SCUBE3: variants seen among roughly 807,000 people sequenced by gnomAD.
The protein encoded by SCUBE3 is signal peptide, CUB and EGF-like domain-containing protein 3.
SCUBE3 carries 33 observed loss-of-function variants against 116.8 expected under a neutral mutation model. That is an observed-to-expected ratio of 0.28 (90% CI 0.21 to 0.38). SCUBE3 has a LOEUF of 0.38. SCUBE3 is among the 10% of genes least tolerant of loss of function. The pLI is 1.00. For missense variants in SCUBE3, 1,007 were observed against 1,324.8 expected, an observed-to-expected ratio of 0.76 and a Z score of 3.72; for synonymous variants, 418 against 496.9, an observed-to-expected ratio of 0.84 and a Z score of 2.11.
Position 35,241,348 on chromosome 6 carries a change from A to G in SCUBE3, c.1195+82A>G. The G allele has an allele frequency of 1.4e-6, 2 of 1,462,650 alleles. No individual in the cohort carries two copies. The highest frequency in any genetic ancestry group is 3.7e-5 in the Admixed American group (2 of 54,506). 90.6% of individuals were successfully genotyped at this position (1,462,650 alleles called of 1,614,324 possible). A position where few individuals can be genotyped will look rare whatever the true frequency, so the allele number is the denominator to read the frequency against. On this transcript the variant is annotated intron_variant, in intron 10 of 21. Coordinates refer to ENST00000274938, the MANE Select transcript of SCUBE3 (RefSeq NM_152753.4). This position sits in a 1 kb window ranked among gnomAD's most constrained non-coding sequence, Gnocchi z 4.1. ...GGTTCTGGAAAGCATAGAGTATCAC[A>G]TTGGGGAAAGGTGTGAGGTGGAAAG...
In SCUBE3 at chr6:35,240,078, G is replaced by T. The variant is rs112021326; in HGVS notation, c.952+204G>T. 2.0e-5 allele frequency among the ~76,000 whole-genome samples: 3 copies of T among 152,234 alleles called. No homozygotes were observed. The highest frequency in any genetic ancestry group is 7.2e-5 in the African/African-American group (3 of 41,456). On this transcript the variant is annotated intron_variant, in intron 8 of 21. Transcript: ENST00000274938. This position sits in a 1 kb window ranked among gnomAD's most constrained non-coding sequence, Gnocchi z 4.6. ...CAAAGCATTCAGCCTGGCAAGGACTGAGGGATGGATTTCACCCCAATTCAT... is the reference window on the plus strand; with the variant it reads ...CAAAGCATTCAGCCTGGCAAGGACTTAGGGATGGATTTCACCCCAATTCAT...
At chr6:35,246,748 G>A (rs570258670) in intron 21 of SCUBE3, among the ~76,000 whole-genome samples, 97 of 152,350 alleles carry the variant, frequency 6.4e-4, no homozygotes, top group Non-Finnish European at 1.0e-3. Flanking sequence ...GGCCGAGGCG[G>A]GTGGATCACA....
rs1049702416 is a variant in SCUBE3, at chr6:35,241,007, A to G, written c.1070-134A>G. The G allele has an allele frequency of 2.5e-6, 2 of 804,422 alleles. No individual in the cohort carries two copies. The highest frequency in any genetic ancestry group is 4.0e-6 in the Non-Finnish European group (2 of 498,484). The allele number at this position is 804,422 out of a possible 1,614,324, so 49.8% of individuals were successfully genotyped here. On this transcript the variant is annotated intron_variant, in intron 9 of 21. Coordinates refer to ENST00000274938, the MANE Select transcript of SCUBE3 (RefSeq NM_152753.4). The surrounding 1 kb of genome is among the most constrained non-coding windows in gnomAD (Gnocchi z 4.1). The stretch of plus-strand genomic sequence containing the variant: ...CTATAGGCACACTGTTGTACAGTAG[A>G]TCTCTCGAACTTATTCATCTTGCGT...
At chr6:35,247,056 C>T (rs1784369908) in intron 21 of SCUBE3, among the ~76,000 whole-genome samples, 1 of 152,144 alleles carries the variant, frequency 6.6e-6, no homozygotes, top group Admixed American at 6.5e-5. Flanking sequence ...GACTTCTTTT[C>T]AAGGAAAATA....
At chr6:35,224,221 T>G (rs1263896643) in intron 1 of SCUBE3, 1 of 152,198 alleles carries the variant, frequency 6.6e-6, no homozygotes, top group African/African-American at 2.4e-5. Flanking sequence ...CAGGAAGAGA[T>G]AATGTCTTCC....
rs142205818 is a variant in SCUBE3, at chr6:35,228,384, A to G, written c.209-230A>G. Among the ~76,000 whole-genome samples the G allele has an allele frequency of 1.6e-3, 251 of 152,384 alleles. No individual in the cohort carries two copies. Among genetic ancestry groups the G allele is most frequent in the South Asian group, 7.0e-3 (34 of 4,828 alleles). The stretch of plus-strand genomic sequence containing the variant: ...TAAAGAAATCTAAATCTCTAACAAT[A>G]GAGAAAAAAATAGAAAAATAATATT... On this transcript the variant is annotated intron_variant, in intron 2 of 21. Coordinates refer to ENST00000274938, the MANE Select transcript of SCUBE3 (RefSeq NM_152753.4). This position sits in a 1 kb window ranked among gnomAD's most constrained non-coding sequence, Gnocchi z 4.9.
Position 35,231,661 on chromosome 6 carries a change from T to C in SCUBE3, c.335-64T>C. On this transcript the variant is annotated intron_variant, in intron 3 of 21. Transcript: ENST00000274938. The surrounding 1 kb of genome is among the most constrained non-coding windows in gnomAD (Gnocchi z 4.2). ...CTTAAGACTGCCTTTGGTGCTGAAG[T>C]CTTGGGATATACCCTGGACCCTGCC... 1.4e-6 allele frequency: 2 copies of C among 1,454,572 alleles called. No homozygotes were observed. The highest frequency in any genetic ancestry group is 1.9e-6 in the Non-Finnish European group (2 of 1,075,376). 90.1% of individuals were successfully genotyped at this position (1,454,572 alleles called of 1,614,324 possible).
In SCUBE3 at chr6:35,235,589, A is replaced by G; in HGVS notation, c.712+2288A>G. 1 of 637,980 alleles carries G rather than the reference A, an allele frequency of 1.6e-6. No individual in the cohort carries two copies. 39.5% of individuals were successfully genotyped at this position (637,980 alleles called of 1,614,324 possible). On this transcript the variant is annotated intron_variant, in intron 6 of 21. Transcript: ENST00000274938. The surrounding 1 kb of genome is among the most constrained non-coding windows in gnomAD (Gnocchi z 4.5). ...CACTAACTGCATGCCCACTGGGCCC[A>G]GCCTGACTGGGCCCCAACTTGCCAG... is the stretch of plus-strand genomic sequence containing the variant.
intron 1 of SCUBE3, among the ~76,000 whole-genome samples, chr6:35,216,634 C>T (rs963085566): frequency 6.6e-6 from 1 of 152,208 alleles, no homozygotes; most frequent in African/African-American, 2.4e-5. Flanking sequence ...TACCCATAGA[C>T]ACAGTCTGTG....
At chr6:35,234,250 G>A (rs1362883377) in intron 6 of SCUBE3, among the ~76,000 whole-genome samples, 1 of 152,186 alleles carries the variant, frequency 6.6e-6, no homozygotes, top group African/African-American at 2.4e-5. Flanking sequence ...GTGGGCATAG[G>A]TGTTTATGAA....
In SCUBE3 at chr6:35,240,840, T is replaced by C. The variant is rs1285010057; in HGVS notation, c.1070-301T>C. ...TCATTCCTTTGGGGACAGAGATAAT[T>C]GGAGGAGGTTTGAGCTCTTCTCAGG... On this transcript the variant is annotated intron_variant, in intron 9 of 21. Coordinates refer to ENST00000274938, the MANE Select transcript of SCUBE3 (RefSeq NM_152753.4). This position sits in a 1 kb window ranked among gnomAD's most constrained non-coding sequence, Gnocchi z 4.6. Among the ~76,000 whole-genome samples the C allele has an allele frequency of 1.3e-5, 2 of 152,216 alleles. No individual in the cohort carries two copies. The highest frequency in any genetic ancestry group is 2.9e-5 in the Non-Finnish European group (2 of 68,030).
In SCUBE3 at chr6:35,244,221, C is replaced by A; in HGVS notation, c.2239+91C>A. ...TTTCCCAGAGGGGACACTGACCCACCATTTTCTCCAAACCAGTAATGGGCC... is the reference window on the plus strand; with the variant it reads ...TTTCCCAGAGGGGACACTGACCCACAATTTTCTCCAAACCAGTAATGGGCC... On this transcript the variant is annotated intron_variant, in intron 17 of 21. Transcript: ENST00000274938. This position sits in a 1 kb window ranked among gnomAD's most constrained non-coding sequence, Gnocchi z 4.3. The A allele has an allele frequency of 8.6e-7, 1 of 1,163,916 alleles. No individual in the cohort carries two copies. Among genetic ancestry groups the A allele is most frequent in the South Asian group, 1.5e-5 (1 of 67,596 alleles). The allele number at this position is 1,163,916 out of a possible 1,614,324, so 72.1% of individuals were successfully genotyped here.
At chr6:35,218,259 G>GGTGTGT (rs143349311) in intron 1 of SCUBE3, 1 of 448,690 alleles carries the variant, frequency 2.2e-6, no homozygotes, top group African/African-American at 2.2e-5. Flanking sequence ...CATGACTCAG[G>GGTGTGT]GTGTGTGTGT....
Position 35,246,040 on chromosome 6 carries a change from A to G in SCUBE3, c.2696A>G (p.Lys899Arg). 1 of 1,614,166 alleles carries G rather than the reference A, an allele frequency of 6.2e-7. No homozygotes were observed. Among genetic ancestry groups the G allele is most frequent in the Non-Finnish European group, 8.5e-7 (1 of 1,180,010 alleles). ...TCCAGGAAGCTCTGGATCAACTTCA[A>G]GACAAGCGAGGCCAACAGCGCCCGT... ...ARSRKLWINF[K>R]TSEANSARGF... Residue 899 changes from lysine (K) to arginine (R), a missense_variant, in exon 20 of 22, where the codon AAG becomes AGG. Around this residue, in one of 5 missense-constraint regions of SCUBE3, gnomAD observed 118 missense variants for 196.6 expected, o/e 0.60. Transcript: ENST00000274938.
intron 1 of SCUBE3, among the ~76,000 whole-genome samples, chr6:35,225,100 C>T (rs1783274496): frequency 6.6e-6 from 1 of 152,144 alleles, no homozygotes; most frequent in Admixed American, 6.5e-5. Context: ...GCATCTATTG[C>T]CTGACCAGTG....
intron 21 of SCUBE3, among the ~76,000 whole-genome samples, chr6:35,247,200 T>C (rs1465379639): frequency 6.6e-6 from 1 of 151,792 alleles, no homozygotes; most frequent in East Asian, 2.0e-4. Flanking sequence ...TTTGGGGGGC[T>C]GAGGCGGGTG....
intron 13 of SCUBE3, 85 bp downstream of exon 13, chr6:35,242,405 C>T (rs1364957823): frequency 9.3e-7 from 1 of 1,075,424 alleles, no homozygotes; most frequent in Non-Finnish European, 1.4e-6. Context: ...CAAAAACCCA[C>T]CAGAACCCTG....
chr6:35,234,231 G>A (rs1783666678), intron 6 of SCUBE3, among the ~76,000 whole-genome samples: 1 of 152,216 alleles, frequency 6.6e-6, no homozygotes, highest in Non-Finnish European at 1.5e-5. Context: ...CAGGGCATGA[G>A]CTTGCTGTGT....
Position 35,242,744 on chromosome 6 carries a change from G to A in SCUBE3, c.1657G>A (p.Glu553Lys), listed in dbSNP as rs748898327. Residue 553 changes from glutamate (E) to lysine (K), a missense_variant, in exon 14 of 22, where the codon GAA becomes AAA. Transcript: ENST00000274938. Reference protein sequence around the residue: ...PGKEVTRLTLELEAEVRAEET... With the variant: ...PGKEVTRLTLKLEAEVRAEET... The stretch of plus-strand genomic sequence containing the variant: ...CAAAGAGGTCACAAGGCTCACCCTG[G>A]AACTGGAGGCAGAGGTCAGAGCCGA... 9 of 1,613,958 alleles carry A rather than the reference G, an allele frequency of 5.6e-6. No individual in the cohort carries two copies. Among genetic ancestry groups the A allele is most frequent in the Non-Finnish European group, 6.8e-6 (8 of 1,179,912 alleles).
Sources: gnomAD v4.1 joint callset for allele counts (sites outside exome capture counted in the v4.1 genomes callset) on GRCh38, gnomAD v4.1.1 for gene constraint, gnomAD v4.1.1 regional missense constraint, Gnocchi (gnomAD v3.1) non-coding constraint, MANE v1.5 for transcripts, NCBI Gene and HGNC (gene_info 2026-07-23, HGNC 2026-07-21) for gene names.